Variants in ING5 observed in about 807,000 individuals in gnomAD.
ING5 encodes inhibitor of growth protein 5.
Under a neutral mutation model 37.4 loss-of-function variants are expected in ING5, and 17 were observed. The ratio of observed to expected loss-of-function variants is 0.45; its 90% CI spans 0.31 to 0.68. The LOEUF (loss-of-function observed/expected upper bound fraction) is 0.68, where lower values mean the gene tolerates loss of function less well. ING5 is among the 30% of genes least tolerant of loss of function. ING5 has a pLI of 0.05. For synonymous variants in ING5, 123 were observed against 116.6 expected (o/e 1.06, Z -0.36); for missense variants, 233 against 311.9 (o/e 0.75, Z 1.91).
intron 5 of ING5, chr2:241,720,689 G>A (rs113453100): frequency 4.1e-6 from 4 of 985,572 alleles, no homozygotes; most frequent in Admixed American, 6.1e-5. Context: ...ACCGTCTGGC[G>A]AGGGGTGCCT....
chr2:241,719,785 T>C, intron 5 of ING5: 2 of 1,441,270 alleles, frequency 1.4e-6, no homozygotes, highest in South Asian at 1.5e-5. Flanking sequence ...CCTCATGGCT[T>C]TTCCTGTCCT....
rs148591062 is a variant in ING5 at position 241,728,683 on chromosome 2, A to C, written c.*3652A>C. On this transcript the variant is annotated 3_prime_UTR_variant, in exon 8 of 8. Coordinates refer to ENST00000313552, the MANE Select transcript of ING5 (RefSeq NM_032329.6). ...TGAGCAGCAGCTGACCGCCCGTCTC[A>C]TGCTGGACGGGACCCCTGGGCGGGT... is the stretch of plus-strand genomic sequence containing the variant. 5,556 of 152,324 alleles carry C rather than the reference A, an allele frequency of 0.036. 435 individuals carry two copies. Among genetic ancestry groups the C allele is most frequent in the East Asian group, 0.29 (1,478 of 5,154 alleles). The allele number at this position is 152,324 out of a possible 1,614,324, so 9.4% of individuals were successfully genotyped here.
chr2:241,697,327 C>T (rs924538641), upstream of ING5, among the ~76,000 whole-genome samples: 65 of 144,544 alleles, frequency 4.5e-4, no homozygotes, highest in Middle Eastern at 0.013. Context: ...CCCAGCTACT[C>T]GGGAGGCTGA....
chr2:241,691,870 A>G (rs1380249897), intron 2 of ING5, among the ~76,000 whole-genome samples: 2 of 152,096 alleles, frequency 1.3e-5, no homozygotes, highest in Admixed American at 1.3e-4. Flanking sequence ...CCTGGGCAAC[A>G]TAGACTTATT....
At chr2:241,723,702 G>T in intron 7 of ING5, 1 of 1,527,682 alleles carries the variant, frequency 6.5e-7, no homozygotes, top group Non-Finnish European at 9.0e-7. Flanking sequence ...CTCTGCCCCT[G>T]GCTCTGTCTA....
chr2:241,719,927 C>G, intron 5 of ING5: 2 of 1,306,420 alleles, frequency 1.5e-6, no homozygotes, highest in Non-Finnish European at 9.7e-7. Flanking sequence ...GGCCCTGCGG[C>G]TCTGGATCTA....
chr2:241,721,020 T>G lies in ING5; in HGVS notation c.483-1919T>G, dbSNP rs1490107172. ...CCAGCGCCCTCGAACCTGGTGATGC[T>G]GAGACACAGGTCAAGTGGCAGCTCA... is the stretch of plus-strand genomic sequence containing the variant. On this transcript the variant is annotated intron_variant, in intron 5 of 7. Transcript: ENST00000313552. 4 of 985,494 alleles carry G rather than the reference T, an allele frequency of 4.1e-6. No individual in the cohort carries two copies. In the Admixed American group the frequency reaches 2.5e-4, roughly 61 times the overall value. The allele number at this position is 985,494 out of a possible 1,614,324, so 61.0% of individuals were successfully genotyped here. A position where few individuals can be genotyped will look rare whatever the true frequency, so the allele number is the denominator to read the frequency against.
chr2:241,720,593 G>A (rs1371813044), intron 5 of ING5: 4 of 985,988 alleles, frequency 4.1e-6, no homozygotes, highest in Non-Finnish European at 4.8e-6. Flanking sequence ...GGAATCCCGG[G>A]GCTTGGACAG....
intron 1 of ING5, 44 bp from the exon 2 acceptor site, chr2:241,704,609 C>G: frequency 6.6e-7 from 1 of 1,517,084 alleles, no homozygotes; most frequent in Non-Finnish European, 9.1e-7. Context: ...GAATTTTTGT[C>G]TTGCTGCTGA....
intron 5 of ING5, among the ~76,000 whole-genome samples, chr2:241,713,724 C>T (rs2070187203): frequency 6.6e-6 from 1 of 151,188 alleles, no homozygotes; most frequent in Admixed American, 6.6e-5. Flanking sequence ...CGAGGTGGCT[C>T]ATGCCTGTAA....
chr2:241,695,488 C>T (rs1045948760), intron 2 of ING5, among the ~76,000 whole-genome samples: 2 of 152,162 alleles, frequency 1.3e-5, no homozygotes, highest in Non-Finnish European at 2.9e-5. Flanking sequence ...GAGTTCAAGA[C>T]CAGCTTGGCC....
chr2:241,705,527 A>T (rs533083992), intron 2 of ING5, among the ~76,000 whole-genome samples: 5 of 149,664 alleles, frequency 3.3e-5, no homozygotes, highest in African/African-American at 1.2e-4. Context: ...CCTCCCGAGT[A>T]GCTGGGACTA....
Position 241,725,809 on chromosome 2 carries a change from T to G in ING5, c.*778T>G, listed in dbSNP as rs1691598817. The stretch of plus-strand genomic sequence containing the variant: ...TACTGTGAAGATGAAATTACCCTAA[T>G]AGCATGAAGATCGTGGGTCTGTGTG... On this transcript the variant is annotated 3_prime_UTR_variant, in exon 8 of 8. Transcript: ENST00000313552. 1 of 151,874 alleles carries G rather than the reference T, an allele frequency of 6.6e-6. No homozygotes were observed. Among genetic ancestry groups the G allele is most frequent in the Non-Finnish European group, 1.5e-5 (1 of 67,802 alleles). 9.4% of individuals were successfully genotyped at this position (151,874 alleles called of 1,614,324 possible).
At chr2:241,712,263 GC>G (rs200728725) in intron 5 of ING5, 192 bp downstream of exon 5, 22,086 of 541,844 alleles carry the variant, frequency 0.041, 1,884 homozygotes, top group East Asian at 0.27. Context: ...GTTGTCAGGG[GC>G]ATTTTCAGTG....
intron 1 of ING5, chr2:241,688,106 A>G (rs1057368542): frequency 1.2e-4 from 18 of 152,236 alleles, no homozygotes; most frequent in Admixed American, 9.8e-4. Flanking sequence ...ACTACTATCT[A>G]TATGTGCCAT....
At chr2:241,703,189 CTT>C (rs2069797823) in intron 1 of ING5, among the ~76,000 whole-genome samples, 1 of 152,164 alleles carries the variant, frequency 6.6e-6, no homozygotes, top group African/African-American at 2.4e-5. Flanking sequence ...GGAGGGTTGA[CTT>C]TGTGTGTGTC....
chr2:241,722,480 G>C, intron 5 of ING5: 1 of 985,396 alleles, frequency 1.0e-6, no homozygotes, highest in Non-Finnish European at 1.2e-6. Flanking sequence ...TGGGCCCGAA[G>C]GTGGGCGCGA....
rs779397320 is a variant in ING5, at chr2:241,723,289, C to T, written c.680+18C>T. 5.6e-5 allele frequency: 91 copies of T among 1,612,908 alleles called. No individual in the cohort carries two copies. Among genetic ancestry groups the T allele is most frequent in the Non-Finnish European group, 6.7e-5 (79 of 1,178,966 alleles). Reference sequence around the variant, plus strand: ...GGAAAATGGTGAGTGTGGGGACGCTCGCTCTGTTTTCTCCCAGTCTGCTGG... The same window carrying T: ...GGAAAATGGTGAGTGTGGGGACGCTTGCTCTGTTTTCTCCCAGTCTGCTGG... On this transcript the variant is annotated intron_variant, in intron 7 of 7. Coordinates refer to ENST00000313552, the MANE Select transcript of ING5 (RefSeq NM_032329.6).
At position 241,709,347 on chromosome 2, in the gene ING5, G is replaced by A. The variant is rs2070031430; in HGVS notation, c.241G>A (p.Asp81Asn). 2 of 1,613,668 alleles carry A rather than the reference G, an allele frequency of 1.2e-6. No homozygotes were observed. The highest frequency in any genetic ancestry group is 1.7e-6 in the Non-Finnish European group (2 of 1,179,938). The stretch of plus-strand genomic sequence containing the variant: ...CAGCAAGTGCAAGGAATACAGTGAC[G>A]ACAAAGTGCAGCTGGCCATGCAGAC... ...AYSKCKEYSDDKVQLAMQTYE... is the reference protein window; with the variant it reads ...AYSKCKEYSDNKVQLAMQTYE... Residue 81 changes from aspartate to asparagine, a missense_variant, in exon 3 of 8, where the codon GAC becomes AAC. By Grantham distance (23) the Asp-to-Asn change is conservative (BLOSUM62 1). Transcript: ENST00000313552.
Sources: gnomAD v4.1 joint callset for allele counts (sites outside exome capture counted in the v4.1 genomes callset) on GRCh38, gnomAD v4.1.1 for gene constraint, MANE v1.5 for transcripts, NCBI Gene and HGNC (gene_info 2026-07-23, HGNC 2026-07-21) for gene names.